Variants in BSN observed in about 807,000 individuals in gnomAD.
BSN encodes protein bassoon.
In BSN, 57 loss-of-function variants were observed where a neutral mutation model predicts 264.8. That is an observed-to-expected ratio of 0.22 (90% CI 0.17 to 0.27). The LOEUF (loss-of-function observed/expected upper bound fraction) is 0.27. Ranked by LOEUF, BSN falls within the 10% of genes least tolerant of loss-of-function variation. BSN has a pLI of 1.00. For missense variants in BSN, 4,615 were observed against 5,232.5 expected, an observed-to-expected ratio of 0.88 and a Z score of 3.64; for synonymous variants, 2,059 against 2,137.3, an observed-to-expected ratio of 0.96 and a Z score of 1.01.
At chr3:49,664,725 C>T (rs2052699045) in intron 9 of BSN, 74 bp from the exon 10 acceptor site, 5 of 1,589,426 alleles carry the variant, frequency 3.1e-6, no homozygotes, top group African/African-American at 2.7e-5. Context: ...CTTGCCTTCA[C>T]TATGCCAAGT....
At chr3:49,628,019 G>A (rs2052354696) in intron 2 of BSN, among the ~76,000 whole-genome samples, 2 of 152,132 alleles carry the variant, frequency 1.3e-5, no homozygotes, top group African/African-American at 4.8e-5. Flanking sequence ...AGGGCGTGTC[G>A]GCAGGATGCG....
At position 49,576,171 on chromosome 3, in the gene BSN, C is replaced by T. The variant is rs529279335; in HGVS notation, c.224+21345C>T. On this transcript the variant is annotated intron_variant, in intron 1 of 11. Transcript: ENST00000296452. ...CCCAGGTGAATCTCCAAGTAAACCACTATATCTTCTGTTCTAGCTGGATTC... is the reference window on the plus strand; with the variant it reads ...CCCAGGTGAATCTCCAAGTAAACCATTATATCTTCTGTTCTAGCTGGATTC... Among the ~76,000 whole-genome samples, 7 of 151,872 alleles carry T rather than the reference C, an allele frequency of 4.6e-5. No homozygotes were observed. The South Asian group carries it at 6.2e-4, about 14-fold the overall frequency.
At chr3:49,583,732 T>C (rs1055475173) in intron 1 of BSN, among the ~76,000 whole-genome samples, 6 of 152,234 alleles carry the variant, frequency 3.9e-5, no homozygotes, top group African/African-American at 1.2e-4. Context: ...TCAGTTTATT[T>C]ATGTGTTATA....
chr3:49,592,325 G>T (rs1040020162), intron 1 of BSN, among the ~76,000 whole-genome samples: 4 of 151,138 alleles, frequency 2.6e-5, no homozygotes, highest in Non-Finnish European at 5.9e-5. Flanking sequence ...AACCAGGCTA[G>T]TCTGGCACTC....
At position 49,625,222 on chromosome 3, in the gene BSN, G is replaced by A. The variant is rs372598293; in HGVS notation, c.472G>A (p.Val158Ile). Residue 158 changes from valine (V) to isoleucine (I), a missense_variant, in exon 2 of 12, where the codon GTC becomes ATC. Around this residue, in one of 3 missense-constraint regions of BSN, gnomAD observed 1,197 missense variants for 1,348.0 expected, o/e 0.89. Transcript: ENST00000296452. This position sits in a 1 kb window ranked among gnomAD's most constrained non-coding sequence, Gnocchi z 4.4. The part of the protein sequence containing the change: ...RGSTPTSPYS[V>I]PQIAPLPSST... ...CAGCACCCCCACATCACCCTACTCC[G>A]TCCCTCAGATCGCCCCCCTTCCCAG... 46 of 1,582,620 alleles carry A rather than the reference G, an allele frequency of 2.9e-5. No individual in the cohort carries two copies. Among genetic ancestry groups the A allele is most frequent in the Non-Finnish European group, 3.3e-5 (39 of 1,165,386 alleles).
intron 1 of BSN, among the ~76,000 whole-genome samples, chr3:49,580,615 T>C (rs746617911): frequency 6.6e-6 from 1 of 151,650 alleles, no homozygotes. Flanking sequence ...TGCACCACCA[T>C]GTCTGGCTAA....
chr3:49,663,287 G>A lies in BSN; in HGVS notation c.11129G>A (p.Arg3710His), dbSNP rs376239515. ...PSSAEYSQPSRASSAYHHASD... is the reference protein window; with the variant it reads ...PSSAEYSQPSHASSAYHHASD... ...TCTGCTGAGTACTCACAGCCATCCC[G>A]TGCTTCATCCGCATACCATCATGCC... Residue 3710 changes from arginine to histidine, a missense_variant, in exon 7 of 12, where the codon CGT becomes CAT. Physicochemically the swap from Arg to His is conservative, Grantham distance 29 (BLOSUM62 0). This residue lies in a region of BSN where 3,415 missense variants were observed against 3,866.4 expected (regional missense o/e 0.88). Transcript: ENST00000296452. The A allele has an allele frequency of 3.7e-6, 6 of 1,613,992 alleles. No homozygotes were observed. The highest frequency in any genetic ancestry group is 1.3e-5 in the African/African-American group (1 of 74,954).
chr3:49,645,227 C>T (rs554924572), intron 3 of BSN, among the ~76,000 whole-genome samples: 1 of 152,228 alleles, frequency 6.6e-6, no homozygotes, highest in South Asian at 2.1e-4. Flanking sequence ...CTCCTGACAG[C>T]AGTCAGGGGT....
At position 49,668,064 on chromosome 3, in the gene BSN, G is replaced by A. The variant is rs965670995; in HGVS notation, c.*579G>A. 1.3e-5 allele frequency: 2 copies of A among 152,636 alleles called. No homozygotes were observed. Among genetic ancestry groups the A allele is most frequent in the Admixed American group, 1.3e-4 (2 of 15,286 alleles). 9.5% of individuals were successfully genotyped at this position (152,636 alleles called of 1,614,324 possible). A position where few individuals can be genotyped will look rare whatever the true frequency, so the allele number is the denominator to read the frequency against. On this transcript the variant is annotated 3_prime_UTR_variant, in exon 12 of 12. Coordinates refer to ENST00000296452, the MANE Select transcript of BSN (RefSeq NM_003458.4). The stretch of plus-strand genomic sequence containing the variant: ...TGGCACAGGGCCCTGCCCGTCACAT[G>A]CCCTCTGGGTGACATCGGAGCAGAC...
In BSN at chr3:49,554,757, C is replaced by A. The variant is rs2051650994; in HGVS notation, c.155C>A (p.Ala52Glu). 1.6e-6 allele frequency: 2 copies of A among 1,228,736 alleles called. No homozygotes were observed. Among genetic ancestry groups the A allele is most frequent in the Non-Finnish European group, 2.0e-6 (2 of 985,200 alleles). 76.1% of individuals were successfully genotyped at this position (1,228,736 alleles called of 1,614,324 possible). ...GGACAGCTCCCCGCGGCGGGAGCAGCGCGGTCGACCGCGGTACCACCGGTC... is the reference window on the plus strand; with the variant it reads ...GGACAGCTCCCCGCGGCGGGAGCAGAGCGGTCGACCGCGGTACCACCGGTC... ...GGGQLPAAGA[A>E]RSTAVPPVPG... is the part of the protein sequence containing the mutation. The change falls in exon 1 of 12, where the codon GCG becomes GAG. Residue 52 changes from alanine to glutamate, a missense_variant. This residue lies in a region of BSN where 1,197 missense variants were observed against 1,348.0 expected (regional missense o/e 0.89). Coordinates refer to ENST00000296452, the MANE Select transcript of BSN (RefSeq NM_003458.4).
chr3:49,620,431 A>G (rs945758729), intron 1 of BSN, among the ~76,000 whole-genome samples: 2 of 152,014 alleles, frequency 1.3e-5, no homozygotes, highest in African/African-American at 2.4e-5. Context: ...TCTCAAAAAC[A>G]AAACAAAACT....
At position 49,656,749 on chromosome 3, in the gene BSN, G is replaced by T; in HGVS notation, c.7193G>T (p.Arg2398Leu). The part of the protein sequence containing the change: ...LRLQEELERE[R>L]VELQRHREEE... ...CTGCAAGAGGAGCTAGAGCGGGAAC[G>T]TGTGGAGCTGCAGAGGCACCGTGAG... The change falls in exon 5 of 12, where the codon CGT (arginine) becomes CTT (leucine). Residue 2398 changes from arginine to leucine, a missense_variant. Arg to Leu is a moderately radical substitution (Grantham distance 102). This residue lies in a region of BSN where 3,415 missense variants were observed against 3,866.4 expected (regional missense o/e 0.88). Coordinates refer to ENST00000296452, the MANE Select transcript of BSN (RefSeq NM_003458.4). The T allele has an allele frequency of 2.5e-6, 4 of 1,577,706 alleles. No homozygotes were observed. Among genetic ancestry groups the T allele is most frequent in the Non-Finnish European group, 2.6e-6 (3 of 1,161,418 alleles).
chr3:49,634,907 C>T (rs1342151495), intron 2 of BSN, among the ~76,000 whole-genome samples: 2 of 152,162 alleles, frequency 1.3e-5, no homozygotes, highest in African/African-American at 4.8e-5. Context: ...ACCCCTCCCC[C>T]GCCCAGCTGC....
rs1432722196 is a variant in BSN at position 49,638,428 on chromosome 3, C to T, written c.634-3840C>T. On this transcript the variant is annotated intron_variant, in intron 2 of 11. Coordinates refer to ENST00000296452, the MANE Select transcript of BSN (RefSeq NM_003458.4). This position sits in a 1 kb window ranked among gnomAD's most constrained non-coding sequence, Gnocchi z 4.3. Reference sequence around the variant, plus strand: ...TGGAGGAAGAGACTGAGGTTGGGCTCCTCCCAGGAAACTGCTGGGGATCTG... The same window carrying T: ...TGGAGGAAGAGACTGAGGTTGGGCTTCTCCCAGGAAACTGCTGGGGATCTG... Among the ~76,000 whole-genome samples the T allele has an allele frequency of 2.0e-5, 3 of 152,238 alleles. No individual in the cohort carries two copies. Among genetic ancestry groups the T allele is most frequent in the African/African-American group, 4.8e-5 (2 of 41,534 alleles).
chr3:49,652,829 G>T lies in BSN; in HGVS notation c.3273G>T (p.Lys1091Asn), dbSNP rs548644828. 6.3e-7 allele frequency: 1 copy of T among 1,586,152 alleles called. No individual in the cohort carries two copies. The highest frequency in any genetic ancestry group is 1.4e-5 in the African/African-American group (1 of 74,000). Residue 1091 changes from lysine (K) to asparagine (N), a missense_variant, in exon 5 of 12, where the codon AAG becomes AAT. This residue lies in a region of BSN where 3,415 missense variants were observed against 3,866.4 expected (regional missense o/e 0.88). Transcript: ENST00000296452. ...CCCAGCGGAGGCGAGAGCGCTCCAA[G>T]ACACCACCCAGTAACTTGTCACCCA... ...LRAQRRRERS[K>N]TPPSNLSPIE...
intron 1 of BSN, among the ~76,000 whole-genome samples, chr3:49,583,710 A>T (rs929040737): frequency 1.3e-5 from 2 of 152,200 alleles, no homozygotes; most frequent in Non-Finnish European, 2.9e-5. Context: ...GGGAAGTTTT[A>T]AAATTACTTA....
At chr3:49,667,055 T>C (rs1034853397) in intron 11 of BSN, among the ~76,000 whole-genome samples, 2 of 152,164 alleles carry the variant, frequency 1.3e-5, no homozygotes, top group Non-Finnish European at 2.9e-5. Context: ...AGGGTATGGC[T>C]CCTGAGCAGG....
At chr3:49,629,044 C>A (rs1307306162) in intron 2 of BSN, among the ~76,000 whole-genome samples, 1 of 152,038 alleles carries the variant, frequency 6.6e-6, no homozygotes, top group Admixed American at 6.6e-5. Flanking sequence ...CACAAGAGAC[C>A]CTCCCTCTGA....
Position 49,664,782 on chromosome 3 carries a change from C to T in BSN, c.11741-17C>T. On this transcript the variant is annotated splice_polypyrimidine_tract_variant and intron_variant, in intron 9 of 11. Transcript: ENST00000296452. ...GGCCCAATTTCCTGATGGCTCTCTC[C>T]TCTTTCTTTGTCACAGCTGTCTCTG... 8 of 1,613,888 alleles carry T rather than the reference C, an allele frequency of 5.0e-6. No individual in the cohort carries two copies. Among genetic ancestry groups the T allele is most frequent in the Non-Finnish European group, 5.9e-6 (7 of 1,179,964 alleles).
Sources: gnomAD v4.1 joint callset for allele counts (sites outside exome capture counted in the v4.1 genomes callset) on GRCh38, gnomAD v4.1.1 for gene constraint, gnomAD v4.1.1 regional missense constraint, Gnocchi (gnomAD v3.1) non-coding constraint, MANE v1.5 for transcripts, NCBI Gene and HGNC (gene_info 2026-07-23, HGNC 2026-07-21) for gene names.